WDPCP: variants seen among roughly 807,000 people sequenced by gnomAD.
WDPCP encodes the protein WD repeat containing planar cell polarity effector, also known as WD repeat-containing and planar cell polarity effector protein fritz homolog.
A neutral mutation model predicts 93.1 loss-of-function variants in WDPCP; 71 were observed. That is an observed-to-expected ratio of 0.76 (90% CI 0.63 to 0.93). WDPCP has a LOEUF of 0.93. Ranked by LOEUF, WDPCP falls within the 40% of genes least tolerant of loss-of-function variation. The probability of loss-of-function intolerance (pLI) is 0.00; values close to 1 mark genes in which losing one functional copy is unlikely to be tolerated. For missense variants in WDPCP, 844 were observed against 887.4 expected, an observed-to-expected ratio of 0.95 and a Z score of 0.62; for synonymous variants, 315 against 315.0, an observed-to-expected ratio of 1.00 and a Z score of 0.00.
At chr2:63,419,765 T>C (rs1695707395) in intron 9 of WDPCP, among the ~76,000 whole-genome samples, 1 of 152,220 alleles carries the variant, frequency 6.6e-6, no homozygotes, top group East Asian at 1.9e-4. Context: ...TATAATCCTT[T>C]TAAGGTCACC....
chr2:63,129,568 G>A (rs1670155104), intron 17 of WDPCP, among the ~76,000 whole-genome samples: 1 of 152,118 alleles, frequency 6.6e-6, no homozygotes, highest in Non-Finnish European at 1.5e-5. Flanking sequence ...AACAATTAGT[G>A]ATGTTGAACA....
intron 12 of WDPCP, among the ~76,000 whole-genome samples, chr2:63,331,967 A>G (rs1050045339): frequency 6.6e-6 from 1 of 151,972 alleles, no homozygotes; most frequent in Non-Finnish European, 1.5e-5. Flanking sequence ...TACATTTACC[A>G]ACTGGTGGTC....
chr2:63,283,792 G>T (rs1683761626), intron 13 of WDPCP, among the ~76,000 whole-genome samples: 1 of 152,306 alleles, frequency 6.6e-6, no homozygotes, highest in East Asian at 1.9e-4. Context: ...TGGCACTAAG[G>T]TTCTAAACAG....
intron 13 of WDPCP, among the ~76,000 whole-genome samples, chr2:63,295,604 A>C (rs1243241722): frequency 6.6e-6 from 1 of 152,186 alleles, no homozygotes; most frequent in Non-Finnish European, 1.5e-5. Context: ...ACTGATAAGA[A>C]ATATAAAAGA....
At chr2:63,317,268 C>T (rs141082024) in intron 12 of WDPCP, among the ~76,000 whole-genome samples, 7 of 152,034 alleles carry the variant, frequency 4.6e-5, no homozygotes, top group Admixed American at 1.3e-4. Flanking sequence ...ATTAGCTGGG[C>T]GTGGTGGCGG....
chr2:63,659,261 G>A (rs1004796429), intron 2 of WDPCP, among the ~76,000 whole-genome samples: 1 of 152,188 alleles, frequency 6.6e-6, no homozygotes, highest in African/African-American at 2.4e-5. Context: ...TATAATAATG[G>A]TCGAGAGAAA....
Position 63,270,880 on chromosome 2 carries a change from C to T in WDPCP, c.1813-11471G>A, listed in dbSNP as rs186976278. 4.2e-3 allele frequency among the ~76,000 whole-genome samples: 639 copies of T among 152,252 alleles called. 2 individuals are homozygous for T. Among genetic ancestry groups the T allele is most frequent in the Non-Finnish European group, 5.6e-3 (382 of 68,024 alleles). Reference sequence around the variant, plus strand: ...CAGACAGGTAGTTTGCGCTGCATCCCACATCCCCCAAGACTCAAGCAGCTG... The same window carrying T: ...CAGACAGGTAGTTTGCGCTGCATCCTACATCCCCCAAGACTCAAGCAGCTG... On this transcript the variant is annotated intron_variant, in intron 13 of 17. Coordinates refer to ENST00000272321, the MANE Select transcript of WDPCP (RefSeq NM_015910.7).
intron 9 of WDPCP, among the ~76,000 whole-genome samples, chr2:63,408,918 C>G (rs541458089): frequency 6.6e-6 from 1 of 152,232 alleles, no homozygotes; most frequent in East Asian, 1.9e-4. Context: ...AGTCTGAGCT[C>G]AGACACACCT....
chr2:63,567,623 G>T (rs995750516), intron 1 of WDPCP, among the ~76,000 whole-genome samples: 7 of 152,132 alleles, frequency 4.6e-5, no homozygotes, highest in African/African-American at 1.7e-4. Flanking sequence ...AATATCAGTT[G>T]CTAAAAGAGG....
chr2:63,529,198 C>T (rs1450164331), intron 1 of WDPCP, among the ~76,000 whole-genome samples: 1 of 152,094 alleles, frequency 6.6e-6, no homozygotes, highest in African/African-American at 2.4e-5. Context: ...TAATTGAATA[C>T]CCTTTATTTC....
chr2:63,555,700 G>A (rs1706058587), intron 1 of WDPCP, among the ~76,000 whole-genome samples: 1 of 152,136 alleles, frequency 6.6e-6, no homozygotes. Context: ...GTGTGAGAGG[G>A]ACCCAGGAAA....
chr2:63,148,002 G>T (rs1671643719), intron 17 of WDPCP, among the ~76,000 whole-genome samples: 1 of 149,620 alleles, frequency 6.7e-6, no homozygotes, highest in Non-Finnish European at 1.5e-5. Context: ...ACAGCCTAGT[G>T]AAGGAGATAA....
At chr2:63,620,796 T>C (rs1709727523) in intron 3 of WDPCP, among the ~76,000 whole-genome samples, 1 of 152,196 alleles carries the variant, frequency 6.6e-6, no homozygotes, top group Non-Finnish European at 1.5e-5. Flanking sequence ...CAGGTGCCCC[T>C]CTGGGACAAA....
chr2:63,477,791 C>G (rs1173654856), intron 6 of WDPCP: 3 of 152,148 alleles, frequency 2.0e-5, no homozygotes, highest in Non-Finnish European at 4.4e-5. Flanking sequence ...AGGTCTAGAT[C>G]ACAGGAGAAG....
At chr2:63,840,551 T>G in the WDPCP span, among the ~76,000 whole-genome samples, 1 of 152,178 alleles carries the variant, frequency 6.6e-6, no homozygotes, top group South Asian at 2.1e-4. Flanking sequence ...GCCTACTCCC[T>G]AACGCATCCT....
intron 12 of WDPCP, among the ~76,000 whole-genome samples, chr2:63,335,885 C>G (rs1688325241): frequency 6.6e-6 from 1 of 152,174 alleles, no homozygotes; most frequent in Non-Finnish European, 1.5e-5. Context: ...GTAAAGGAGT[C>G]AGACAAAACC....
At chr2:63,362,134 T>A (rs1387369926) in intron 12 of WDPCP, among the ~76,000 whole-genome samples, 1 of 152,154 alleles carries the variant, frequency 6.6e-6, no homozygotes, top group Non-Finnish European at 1.5e-5. Context: ...TTGACTATAA[T>A]TTCCTTACTG....
intron 13 of WDPCP, among the ~76,000 whole-genome samples, chr2:63,300,952 G>C (rs1685285608): frequency 6.6e-6 from 1 of 151,434 alleles, no homozygotes; most frequent in South Asian, 2.1e-4. Context: ...GCATTTCCAG[G>C]TCTCTCTCTG....
chr2:63,469,085 T>C (rs1373166383), intron 6 of WDPCP, among the ~76,000 whole-genome samples: 1 of 150,888 alleles, frequency 6.6e-6, no homozygotes, highest in Non-Finnish European at 1.5e-5. Context: ...AGCCGACAAC[T>C]CTATGAGAAA....
Sources: gnomAD v4.1 joint callset for allele counts (sites outside exome capture counted in the v4.1 genomes callset) on GRCh38, gnomAD v4.1.1 for gene constraint, MANE v1.5 for transcripts, NCBI Gene and HGNC (gene_info 2026-07-23, HGNC 2026-07-21) for gene names.